The following SBF2 variants were observed in gnomAD, a reference collection of about 807,000 sequenced individuals.
The protein encoded by SBF2 is myotubularin-related protein 13.
SBF2 carries 112 observed loss-of-function variants against 225.2 expected under a neutral mutation model. The observed-to-expected ratio is 0.50, with a 90% CI of 0.43 to 0.58. The LOEUF (loss-of-function observed/expected upper bound fraction) is 0.58. SBF2 is among the 20% of genes least tolerant of loss of function. The probability of loss-of-function intolerance (pLI) is 0.00; values close to 1 mark genes in which losing one functional copy is unlikely to be tolerated. For synonymous variants in SBF2, 763 were observed against 773.3 expected, an observed-to-expected ratio of 0.99 and a Z score of 0.22; for missense variants, 1,996 against 2,206.2, an observed-to-expected ratio of 0.90 and a Z score of 1.91.
intron 28 of SBF2, among the ~76,000 whole-genome samples, chr11:9,827,698 T>C (rs1178087901): frequency 1.3e-5 from 2 of 152,200 alleles, no homozygotes; most frequent in Non-Finnish European, 2.9e-5. Flanking sequence ...TATCATGATG[T>C]CTTATCCTCC....
intron 2 of SBF2, among the ~76,000 whole-genome samples, chr11:10,137,813 T>C (rs959858013): frequency 2.6e-5 from 4 of 151,888 alleles, no homozygotes; most frequent in South Asian, 2.1e-4. Context: ...TCAAGACCAG[T>C]CTAGTCAACA....
intron 35 of SBF2, among the ~76,000 whole-genome samples, chr11:9,788,589 CTT>C (rs34787805): frequency 0.47 from 57,933 of 122,364 alleles, 14,888 homozygotes; most frequent in Non-Finnish European, 0.6. Context: ...TGGAAAATCA[CTT>C]TTTTTTTTTT....
chr11:9,928,845 T>C, intron 16 of SBF2: 1 of 213,888 alleles, frequency 4.7e-6, no homozygotes, highest in Non-Finnish European at 9.5e-6. Flanking sequence ...ACTTTATTTT[T>C]CTTTTGTTAA....
chr11:10,300,306 T>C (rs1964582881), intron 1 of SBF2, among the ~76,000 whole-genome samples: 1 of 152,170 alleles, frequency 6.6e-6, no homozygotes, highest in Admixed American at 6.5e-5. Context: ...GGGTATATAA[T>C]ATATAATCAG....
chr11:10,142,458 G>A (rs1954689929), intron 2 of SBF2, among the ~76,000 whole-genome samples: 1 of 152,118 alleles, frequency 6.6e-6, no homozygotes, highest in African/African-American at 2.4e-5. Flanking sequence ...TGCTTTTCAA[G>A]ATTAGTTATA....
intron 2 of SBF2, among the ~76,000 whole-genome samples, chr11:10,157,363 G>T (rs527258253): frequency 1.3e-5 from 2 of 152,122 alleles, no homozygotes; most frequent in African/African-American, 2.4e-5. Flanking sequence ...AACTGGCAAA[G>T]AATTCATGAT....
intron 8 of SBF2, 94 bp downstream of exon 8, chr11:10,000,820 T>G: frequency 1.4e-6 from 1 of 715,964 alleles, no homozygotes; most frequent in Non-Finnish European, 2.5e-6. Flanking sequence ...GCTACAGATC[T>G]GAAAATAGTG....
chr11:10,163,488 A>G (rs1315255879), intron 2 of SBF2, among the ~76,000 whole-genome samples: 1 of 152,180 alleles, frequency 6.6e-6, no homozygotes, highest in Non-Finnish European at 1.5e-5. Context: ...TAATAATGAC[A>G]ATAAGAGTAG....
chr11:10,294,129 A>T lies in SBF2; in HGVS notation c.-60T>A. 1 of 1,247,624 alleles carries T rather than the reference A, an allele frequency of 8.0e-7. No homozygotes were observed. Among genetic ancestry groups the T allele is most frequent in the Non-Finnish European group, 1.0e-6 (1 of 978,380 alleles). The allele number at this position is 1,247,624 out of a possible 1,614,324, so 77.3% of individuals were successfully genotyped here. A position where few individuals can be genotyped will look rare whatever the true frequency, so the allele number is the denominator to read the frequency against. ...GTCGCCGCCCTCGCCGCCGCCGCCC[A>T]CCCGGCCCGGGAGGGCTCAGCATTT... On this transcript the variant is annotated 5_prime_UTR_variant, in exon 1 of 40. Transcript: ENST00000256190.
At chr11:10,120,764 C>A (rs567579474) in intron 2 of SBF2, among the ~76,000 whole-genome samples, 5 of 152,274 alleles carry the variant, frequency 3.3e-5, no homozygotes, top group Non-Finnish European at 7.4e-5. Context: ...GGATTACAGG[C>A]GTGTGCCACC....
intron 2 of SBF2, among the ~76,000 whole-genome samples, chr11:10,181,830 CATT>C (rs1226269675): frequency 6.6e-6 from 1 of 152,060 alleles, no homozygotes; most frequent in African/African-American, 2.4e-5. Context: ...ACAGCCATAT[CATT>C]GATAAATTTA....
intron 2 of SBF2, among the ~76,000 whole-genome samples, chr11:10,122,750 T>C (rs370849871): frequency 7.2e-5 from 11 of 152,208 alleles, no homozygotes; most frequent in African/African-American, 2.4e-4. Flanking sequence ...GGGGTGAAGA[T>C]GGAGACACGG....
At chr11:9,936,883 T>A (rs1445973423) in intron 16 of SBF2, among the ~76,000 whole-genome samples, 1 of 152,110 alleles carries the variant, frequency 6.6e-6, no homozygotes, top group South Asian at 2.1e-4. Context: ...CAAACCAACA[T>A]GGCACATGAG....
At position 9,932,957 on chromosome 11, in the gene SBF2, C is replaced by CA. The variant is rs574177096; in HGVS notation, c.1860+28999dup. ...GGAGATCTACCAAGCAAACGAAAAG[C>CA]AAAAAAAAAAAAAAAAAAAAAAAAA... On this transcript the variant is annotated intron_variant, in intron 16 of 39. Transcript: ENST00000256190. Among the ~76,000 whole-genome samples the CA allele has an allele frequency of 1.0e-3, 61 of 58,752 alleles. 9 individuals are homozygous for CA. The East Asian group carries it at 0.014, about 14-fold the overall frequency. 38.5% of individuals were successfully genotyped at this position (58,752 alleles called of 152,430 possible). A position where few individuals can be genotyped will look rare whatever the true frequency, so the allele number is the denominator to read the frequency against.
intron 2 of SBF2, among the ~76,000 whole-genome samples, chr11:10,060,639 A>T (rs917562347): frequency 2.0e-5 from 3 of 152,134 alleles, no homozygotes; most frequent in African/African-American, 4.8e-5. Context: ...TCAACAAAAT[A>T]CTTGCAAACT....
intron 2 of SBF2, among the ~76,000 whole-genome samples, chr11:10,161,318 A>G (rs1361435421): frequency 7.7e-6 from 1 of 130,278 alleles, no homozygotes; most frequent in Non-Finnish European, 1.7e-5. Flanking sequence ...CTCTACTCCT[A>G]ATAGGGTATG....
chr11:9,788,273 C>T (rs1297315672), intron 35 of SBF2, among the ~76,000 whole-genome samples: 2 of 152,218 alleles, frequency 1.3e-5, no homozygotes, highest in Non-Finnish European at 2.9e-5. Context: ...CTGAAGCATA[C>T]TCTTCCTGGT....
At chr11:10,020,451 A>G (rs1028854091) in intron 6 of SBF2, among the ~76,000 whole-genome samples, 3 of 152,110 alleles carry the variant, frequency 2.0e-5, no homozygotes, top group Non-Finnish European at 4.4e-5. Flanking sequence ...AAGCATGCCA[A>G]CCTATAAAAT....
intron 1 of SBF2, among the ~76,000 whole-genome samples, chr11:10,227,081 A>G (rs939891872): frequency 4.6e-5 from 7 of 152,130 alleles, no homozygotes; most frequent in African/African-American, 9.7e-5. Flanking sequence ...GCCAGTGATG[A>G]TGAGCATTTT....
Sources: allele counts gnomAD v4.1 joint callset (sites outside exome capture counted in the v4.1 genomes callset), GRCh38; gene constraint gnomAD v4.1.1; transcripts MANE v1.5; gene names NCBI Gene and HGNC (gene_info 2026-07-23, HGNC 2026-07-21).